Variants in CTTNBP2 observed in about 807,000 individuals in gnomAD.
CTTNBP2 encodes cortactin binding protein 2.
A neutral mutation model predicts 156.9 loss-of-function variants in CTTNBP2; 108 were observed. That is an observed-to-expected ratio of 0.69 (90% CI 0.59 to 0.81). CTTNBP2 has a LOEUF of 0.81. Ranked by LOEUF, CTTNBP2 falls within the 30% of genes least tolerant of loss-of-function variation. CTTNBP2 has a pLI of 0.00. For missense variants in CTTNBP2, 1,924 were observed against 2,035.4 expected (o/e 0.95, Z 1.05); for synonymous variants, 767 against 751.8 (o/e 1.02, Z -0.33).
intron 1 of CTTNBP2, among the ~76,000 whole-genome samples, chr7:117,868,314 G>A (rs1804347633): frequency 6.6e-6 from 1 of 152,180 alleles, no homozygotes; most frequent in South Asian, 2.1e-4. Context: ...GAAGACGCAG[G>A]CCTTTGGAAC....
chr7:117,848,591 C>T (rs1802744914), intron 2 of CTTNBP2, among the ~76,000 whole-genome samples: 1 of 152,120 alleles, frequency 6.6e-6, no homozygotes, highest in Non-Finnish European at 1.5e-5. Context: ...TTTTTTCTAC[C>T]TTATAAACAA....
rs2116489256 is a variant in CTTNBP2, at chr7:117,735,186, A to G, written c.3688+83T>C. The G allele has an allele frequency of 1.9e-6, 3 of 1,586,242 alleles. No homozygotes were observed. In the East Asian group the frequency reaches 6.7e-5, roughly 35 times the overall value. On this transcript the variant is annotated intron_variant, in intron 15 of 22. Transcript: ENST00000160373. ...AATTAAAATAACGTAAAGAACATGA[A>G]GTATAACTGGTACTCTGGGAAACAG...
chr7:117,830,993 G>A (rs906103620), intron 2 of CTTNBP2, among the ~76,000 whole-genome samples: 10 of 151,952 alleles, frequency 6.6e-5, no homozygotes, highest in African/African-American at 9.7e-5. Flanking sequence ...GTTTCTTAAA[G>A]TAAATGAACT....
At chr7:117,818,163 T>C (rs1046917392) in intron 2 of CTTNBP2, among the ~76,000 whole-genome samples, 2 of 152,168 alleles carry the variant, frequency 1.3e-5, no homozygotes, top group African/African-American at 4.8e-5. Context: ...ACTAACATGA[T>C]CTAATCAGAC....
chr7:117,739,215 C>T (rs1487474949), intron 14 of CTTNBP2, among the ~76,000 whole-genome samples: 3 of 152,098 alleles, frequency 2.0e-5, no homozygotes, highest in Admixed American at 6.5e-5. Flanking sequence ...GGTTATTCTG[C>T]GTAGTTTCAG....
intron 2 of CTTNBP2, among the ~76,000 whole-genome samples, chr7:117,857,498 A>G (rs1803407167): frequency 6.6e-6 from 1 of 152,220 alleles, no homozygotes; most frequent in Non-Finnish European, 1.5e-5. Context: ...CAAAGCTTAA[A>G]GATAGCATGA....
At chr7:117,804,261 C>A (rs111588741) in intron 3 of CTTNBP2, among the ~76,000 whole-genome samples, 1 of 152,172 alleles carries the variant, frequency 6.6e-6, no homozygotes, top group Non-Finnish European at 1.5e-5. Flanking sequence ...CTGCACCCAA[C>A]CAAGCCTGGC....
chr7:117,732,070 T>C (rs1795433113), intron 16 of CTTNBP2, among the ~76,000 whole-genome samples: 2 of 152,188 alleles, frequency 1.3e-5, no homozygotes, highest in Non-Finnish European at 2.9e-5. Context: ...TCTGGATTTG[T>C]AGTATGTTCA....
At chr7:117,752,927 A>T (rs964804937) in intron 12 of CTTNBP2, among the ~76,000 whole-genome samples, 2 of 152,230 alleles carry the variant, frequency 1.3e-5, no homozygotes, top group Non-Finnish European at 2.9e-5. Context: ...TAAATGCTCA[A>T]TAAAAGGTTA....
At chr7:117,816,850 C>T (rs12706157) in intron 2 of CTTNBP2, among the ~76,000 whole-genome samples, 91,260 of 151,776 alleles carry the variant, frequency 0.6, 27,607 homozygotes, top group East Asian at 0.71. Flanking sequence ...ATGTTTATTA[C>T]GCTGGGTTTG....
intron 12 of CTTNBP2, among the ~76,000 whole-genome samples, chr7:117,753,774 C>T (rs887332415): frequency 2.0e-5 from 3 of 151,280 alleles, no homozygotes; most frequent in Non-Finnish European, 2.9e-5. Flanking sequence ...TGGGGGCTGG[C>T]GGGAGGGAGA....
intron 8 of CTTNBP2, among the ~76,000 whole-genome samples, chr7:117,769,134 C>A (rs1797677305): frequency 6.6e-6 from 1 of 152,146 alleles, no homozygotes; most frequent in Non-Finnish European, 1.5e-5. Context: ...GTGCCTACAC[C>A]AAAATGTACT....
At chr7:117,768,100 C>T (rs1797592609) in intron 8 of CTTNBP2, among the ~76,000 whole-genome samples, 1 of 151,868 alleles carries the variant, frequency 6.6e-6, no homozygotes, top group South Asian at 2.1e-4. Context: ...TGCACACACA[C>T]ACACACACAC....
chr7:117,813,179 T>C (rs1800387753), intron 2 of CTTNBP2, among the ~76,000 whole-genome samples: 1 of 152,188 alleles, frequency 6.6e-6, no homozygotes, highest in South Asian at 2.1e-4. Context: ...TCTTTTCCCA[T>C]GAAGTGCCTG....
At chr7:117,801,634 C>T (rs1030463928) in intron 3 of CTTNBP2, among the ~76,000 whole-genome samples, 2 of 152,112 alleles carry the variant, frequency 1.3e-5, no homozygotes, top group South Asian at 2.1e-4. Flanking sequence ...AGAGATTGTC[C>T]TTATTCTTAG....
intron 2 of CTTNBP2, among the ~76,000 whole-genome samples, chr7:117,837,737 G>A (rs1373326203): frequency 6.6e-6 from 1 of 152,028 alleles, no homozygotes; most frequent in Admixed American, 6.5e-5. Context: ...ATCCCATGAG[G>A]CCAGGTATAA....
In CTTNBP2 at chr7:117,782,866, A is replaced by C; in HGVS notation, c.2368T>G (p.Phe790Val). ...PLCAAAAQGH[F>V]ECVELLISYD... ...AAAGAATTAAGAGCAACTTACTCGAAATGTCCCTGAGCAGCTGCAGCACAC... is the reference window on the plus strand; with the variant it reads ...AAAGAATTAAGAGCAACTTACTCGACATGTCCCTGAGCAGCTGCAGCACAC... Residue 790 changes from phenylalanine to valine, a missense_variant, in exon 6 of 23, where the codon TTC (phenylalanine) becomes GTC (valine). Phe to Val is a conservative substitution (Grantham distance 50). Coordinates refer to ENST00000160373, the MANE Select transcript of CTTNBP2 (RefSeq NM_033427.3). The C allele has an allele frequency of 1.2e-6, 2 of 1,610,444 alleles. No individual in the cohort carries two copies. Among genetic ancestry groups the C allele is most frequent in the Non-Finnish European group, 1.7e-6 (2 of 1,178,044 alleles).
At chr7:117,748,195 T>C (rs1796439592) in intron 12 of CTTNBP2, among the ~76,000 whole-genome samples, 2 of 152,106 alleles carry the variant, frequency 1.3e-5, no homozygotes, top group African/African-American at 4.8e-5. Context: ...TAAATAATAA[T>C]TATTGAAAAG....
chr7:117,799,966 C>T (rs1327044003), intron 3 of CTTNBP2, among the ~76,000 whole-genome samples: 1 of 151,960 alleles, frequency 6.6e-6, no homozygotes, highest in East Asian at 1.9e-4. Flanking sequence ...GACCACCACA[C>T]TGATAGAAGC....
Sources: allele counts gnomAD v4.1 joint callset (sites outside exome capture counted in the v4.1 genomes callset), GRCh38; gene constraint gnomAD v4.1.1; transcripts MANE v1.5; gene names NCBI Gene and HGNC (gene_info 2026-07-23, HGNC 2026-07-21).